The following SCAPER variants were observed in gnomAD, a reference collection of about 807,000 sequenced individuals.
SCAPER encodes the protein S-phase cyclin A associated protein in the ER.
In SCAPER, 98 loss-of-function variants were observed where a neutral mutation model predicts 182.2. The observed-to-expected ratio is 0.54, with a 90% CI of 0.46 to 0.64. The LOEUF is 0.64. SCAPER is among the 30% of genes least tolerant of loss of function. The pLI is 0.00. For synonymous variants in SCAPER, 605 were observed against 564.6 expected (o/e 1.07, Z -1.01); for missense variants, 1,432 against 1,690.0 (o/e 0.85, Z 2.68).
intron 22 of SCAPER, among the ~76,000 whole-genome samples, chr15:76,598,368 T>A (rs2145757747): frequency 8.2e-6 from 1 of 121,638 alleles, no homozygotes; most frequent in Non-Finnish European, 2.0e-5. Context: ...GTAAATTAGT[T>A]CAACCATTGT....
chr15:76,873,386 G>T (rs372505973), intron 2 of SCAPER, among the ~76,000 whole-genome samples: 169 of 129,518 alleles, frequency 1.3e-3, no homozygotes, highest in South Asian at 9.6e-3. Context: ...AGGCAGGCAG[G>T]CATCTCTAGG....
chr15:76,902,496 T>TA (rs1210211819), intron 1 of SCAPER, among the ~76,000 whole-genome samples: 21 of 152,228 alleles, frequency 1.4e-4, no homozygotes, highest in African/African-American at 4.6e-4. Flanking sequence ...AATTTTTTTT[T>TA]AAAAAAAGGT....
intron 5 of SCAPER, among the ~76,000 whole-genome samples, chr15:76,814,068 T>C (rs2066879430): frequency 6.6e-6 from 1 of 151,946 alleles, no homozygotes; most frequent in African/African-American, 2.4e-5. Flanking sequence ...CCCGGGAGGC[T>C]GAGGCAGAAG....
chr15:76,432,680 A>G (rs1474130730), intron 26 of SCAPER, among the ~76,000 whole-genome samples: 1 of 152,248 alleles, frequency 6.6e-6, no homozygotes, highest in Non-Finnish European at 1.5e-5. Flanking sequence ...CAGATGCCAA[A>G]GTAGGAGTAA....
At chr15:76,889,268 A>G (rs1260746061) in intron 1 of SCAPER, among the ~76,000 whole-genome samples, 2 of 152,256 alleles carry the variant, frequency 1.3e-5, no homozygotes, top group Non-Finnish European at 2.9e-5. Flanking sequence ...AACTGCATCA[A>G]TTAATGGGCA....
At chr15:76,851,031 A>G (rs1418991599) in intron 4 of SCAPER, among the ~76,000 whole-genome samples, 3 of 152,162 alleles carry the variant, frequency 2.0e-5, no homozygotes, top group African/African-American at 7.2e-5. Flanking sequence ...TAACAGGGCT[A>G]AAAAACACAC....
chr15:76,506,163 T>A (rs1017376606), intron 23 of SCAPER, among the ~76,000 whole-genome samples: 3 of 151,976 alleles, frequency 2.0e-5, no homozygotes, highest in African/African-American at 7.3e-5. Flanking sequence ...TACAAAACAA[T>A]AGTCAGAAAG....
intron 23 of SCAPER, among the ~76,000 whole-genome samples, chr15:76,546,635 TCTCTCTCC>T (rs1472943796): frequency 1.3e-5 from 2 of 152,066 alleles, no homozygotes; most frequent in Admixed American, 6.6e-5. Flanking sequence ...CTTCTCTCTC[TCTCTCTCC>T]CTCTCTCTCT....
chr15:76,422,623 C>A (rs971916385), intron 26 of SCAPER, among the ~76,000 whole-genome samples: 8 of 152,148 alleles, frequency 5.3e-5, no homozygotes, highest in Non-Finnish European at 1.0e-4. Context: ...CCTTCTCCTG[C>A]CTGATTGCCC....
intron 16 of SCAPER, 38 bp from the exon 17 acceptor site, chr15:76,728,775 T>C (rs894282825): frequency 1.3e-6 from 2 of 1,570,682 alleles, no homozygotes; most frequent in Non-Finnish European, 1.7e-6. Flanking sequence ...ATTAGAATTA[T>C]GTGTAAAATA....
At chr15:76,474,372 T>C (rs988611198) in intron 24 of SCAPER, among the ~76,000 whole-genome samples, 2 of 152,186 alleles carry the variant, frequency 1.3e-5, no homozygotes, top group Non-Finnish European at 2.9e-5. Flanking sequence ...AGAGAGACCT[T>C]GTTATACTTG....
chr15:76,646,870 A>C (rs1056454813), intron 21 of SCAPER, among the ~76,000 whole-genome samples: 1 of 152,218 alleles, frequency 6.6e-6, no homozygotes, highest in Non-Finnish European at 1.5e-5. Context: ...GCTTGGAGAA[A>C]AATCAAGTAT....
At chr15:76,527,959 C>T (rs1258646684) in intron 23 of SCAPER, among the ~76,000 whole-genome samples, 1 of 152,212 alleles carries the variant, frequency 6.6e-6, no homozygotes, top group Non-Finnish European at 1.5e-5. Flanking sequence ...TTACATAACA[C>T]TTCACTCTGA....
intron 27 of SCAPER, among the ~76,000 whole-genome samples, chr15:76,392,838 G>A (rs1279520633): frequency 6.6e-6 from 1 of 152,134 alleles, no homozygotes; most frequent in Non-Finnish European, 1.5e-5. Flanking sequence ...TGCCTTCTCA[G>A]TCTCCTAGAG....
At chr15:76,720,234 T>C (rs188259573) in intron 17 of SCAPER, among the ~76,000 whole-genome samples, 3 of 152,128 alleles carry the variant, frequency 2.0e-5, no homozygotes, top group Admixed American at 6.6e-5. Context: ...ACAGCTTCAT[T>C]CTGTCCCTAC....
At chr15:76,660,256 T>A (rs1388258103) in intron 21 of SCAPER, among the ~76,000 whole-genome samples, 3 of 152,082 alleles carry the variant, frequency 2.0e-5, no homozygotes, top group African/African-American at 4.8e-5. Context: ...GGTGCAAGGA[T>A]GTTGAAGATA....
At position 76,354,196 on chromosome 15, in the gene SCAPER, C is replaced by G; in HGVS notation, c.3856-56G>C. On this transcript the variant is annotated intron_variant, in intron 29 of 31. Transcript: ENST00000563290. This position sits in a 1 kb window ranked among gnomAD's most constrained non-coding sequence, Gnocchi z 4.4. The stretch of plus-strand genomic sequence containing the variant: ...CCGAAACGCCCCAGCCTGTCCCTCA[C>G]CCACCTGCACAGTGTCGGCTAGTAC... 6.6e-7 allele frequency: 1 copy of G among 1,519,018 alleles called. No individual in the cohort carries two copies. Among genetic ancestry groups the G allele is most frequent in the Non-Finnish European group, 8.9e-7 (1 of 1,128,550 alleles). 94.1% of individuals were successfully genotyped at this position (1,519,018 alleles called of 1,614,324 possible). A position where few individuals can be genotyped will look rare whatever the true frequency, so the allele number is the denominator to read the frequency against.
chr15:76,495,912 G>A (rs1414902029), intron 24 of SCAPER, among the ~76,000 whole-genome samples: 2 of 151,620 alleles, frequency 1.3e-5, no homozygotes, highest in African/African-American at 4.9e-5. Context: ...GCTTTATCTT[G>A]TAGCTGTAGG....
intron 22 of SCAPER, among the ~76,000 whole-genome samples, chr15:76,585,374 C>T (rs1007615847): frequency 1.3e-5 from 2 of 152,024 alleles, no homozygotes; most frequent in South Asian, 4.2e-4. Context: ...CTTTTACCTT[C>T]CAATCAAATA....
Sources: allele counts gnomAD v4.1 joint callset (sites outside exome capture counted in the v4.1 genomes callset), GRCh38; gene constraint gnomAD v4.1.1; non-coding constraint Gnocchi (gnomAD v3.1); transcripts MANE v1.5; gene names NCBI Gene and HGNC (gene_info 2026-07-23, HGNC 2026-07-21).